Variants in STK31 observed in about 807,000 individuals in gnomAD.
STK31 encodes the protein serine/threonine-protein kinase 31.
A neutral mutation model predicts 129.7 loss-of-function variants in STK31; 89 were observed. That is an observed-to-expected ratio of 0.69 (90% confidence interval 0.58 to 0.82). The LOEUF (loss-of-function observed/expected upper bound fraction) is 0.82. Among genes scored for constraint, STK31 ranks in the 40% least tolerant of loss-of-function variants. STK31 has a pLI of 0.00. For synonymous variants in STK31, 448 were observed against 395.3 expected, an observed-to-expected ratio of 1.13 and a Z score of -1.58; for missense variants, 1,187 against 1,176.4, an observed-to-expected ratio of 1.01 and a Z score of -0.13.
intron 13 of STK31, among the ~76,000 whole-genome samples, chr7:23,770,070 C>T (rs1790088369): frequency 6.6e-6 from 1 of 152,136 alleles, no homozygotes; most frequent in African/African-American, 2.4e-5. Flanking sequence ...TTGAATGCGT[C>T]ATACCAAATG....
chr7:23,710,474 C>T (rs1785873609), intron 1 of STK31, 139 bp downstream of exon 1: 2 of 1,529,536 alleles, frequency 1.3e-6, no homozygotes, highest in Non-Finnish European at 1.8e-6. Flanking sequence ...CCCGCCACCC[C>T]AGAGGGGTGC....
intron 8 of STK31, among the ~76,000 whole-genome samples, chr7:23,746,172 G>A (rs1788340335): frequency 6.6e-6 from 1 of 152,252 alleles, no homozygotes; most frequent in Non-Finnish European, 1.5e-5. Flanking sequence ...ATTGGGGGGT[G>A]GGTGTATGGG....
At chr7:23,713,375 T>C (rs1395276715) in intron 3 of STK31, among the ~76,000 whole-genome samples, 2 of 152,200 alleles carry the variant, frequency 1.3e-5, no homozygotes, top group East Asian at 1.9e-4. Flanking sequence ...GGGTGAGTCA[T>C]TGAGTGAGTA....
At chr7:23,809,225 C>G (rs1792932053) in intron 22 of STK31, among the ~76,000 whole-genome samples, 1 of 150,870 alleles carries the variant, frequency 6.6e-6, no homozygotes, top group African/African-American at 2.5e-5. Context: ...CTTGCATGCT[C>G]TTGTACCTTG....
At chr7:23,806,204 T>C (rs1210076060) in intron 22 of STK31, among the ~76,000 whole-genome samples, 4 of 152,228 alleles carry the variant, frequency 2.6e-5, no homozygotes, top group African/African-American at 9.6e-5. Flanking sequence ...ATTCCCCTTT[T>C]AGGCATCTTT....
At chr7:23,790,049 T>C (rs1489441200) in intron 21 of STK31, among the ~76,000 whole-genome samples, 1 of 152,170 alleles carries the variant, frequency 6.6e-6, no homozygotes, top group Non-Finnish European at 1.5e-5. Context: ...TCAGCATTTC[T>C]GCAGTGGATC....
intron 22 of STK31, among the ~76,000 whole-genome samples, chr7:23,810,833 T>C (rs981851278): frequency 3.0e-4 from 43 of 141,286 alleles, no homozygotes; most frequent in Admixed American, 1.5e-4. Flanking sequence ...TGTATAAATA[T>C]ATATTTGTAT....
intron 17 of STK31, among the ~76,000 whole-genome samples, chr7:23,784,584 G>C (rs1232698623): frequency 6.6e-6 from 1 of 152,000 alleles, no homozygotes; most frequent in Non-Finnish European, 1.5e-5. Context: ...ATGGTTTATT[G>C]AAGTCTTTAA....
At chr7:23,769,513 T>C in intron 12 of STK31, 127 bp from the exon 13 acceptor site, 1 of 641,114 alleles carries the variant, frequency 1.6e-6, no homozygotes, top group Non-Finnish European at 2.6e-6. Flanking sequence ...GGCACTTTTT[T>C]TTCCTGCATT....
At chr7:23,831,578 T>C (rs1794549306) in intron 23 of STK31, among the ~76,000 whole-genome samples, 1 of 152,254 alleles carries the variant, frequency 6.6e-6, no homozygotes, top group African/African-American at 2.4e-5. Flanking sequence ...AAGGCTGTCA[T>C]TGATACATGC....
upstream of STK31, chr7:23,710,174 G>A (rs1785834619): frequency 2.5e-6 from 4 of 1,579,692 alleles, no homozygotes; most frequent in East Asian, 4.5e-5. Context: ...GCTAACACCG[G>A]ATGATGGCGC....
chr7:23,772,219 T>A lies in STK31; in HGVS notation c.1906T>A (p.Leu636Met). 1 of 1,608,640 alleles carries A rather than the reference T, an allele frequency of 6.2e-7. No individual in the cohort carries two copies. Among genetic ancestry groups the A allele is most frequent in the Non-Finnish European group, 8.5e-7 (1 of 1,177,764 alleles). Reference protein sequence around the residue: ...VDHLLSIKKTLKSLKALLRWK... With the variant: ...VDHLLSIKKTMKSLKALLRWK... ...TCACTTGCTATCCATTAAGAAGACA[T>A]TGAAAAGCTTAAAAGCTCTACTCAG... Residue 636 changes from leucine to methionine, a missense_variant, in exon 15 of 24, where the codon TTG becomes ATG. Leu to Met is a conservative substitution (Grantham distance 15). Transcript: ENST00000355870.
At chr7:23,808,167 A>T (rs73689527) in intron 22 of STK31, among the ~76,000 whole-genome samples, 1,646 of 121,044 alleles carry the variant, frequency 0.014, 22 homozygotes, top group Middle Eastern at 0.031. Context: ...ATATATATAT[A>T]TATTTTTTGT....
At chr7:23,719,961 T>C (rs1280102709) in intron 4 of STK31, among the ~76,000 whole-genome samples, 2 of 152,158 alleles carry the variant, frequency 1.3e-5, no homozygotes, top group Non-Finnish European at 2.9e-5. Flanking sequence ...TTAAGAAATA[T>C]ATAATCCATG....
At position 23,782,469 on chromosome 7, in the gene STK31, C is replaced by T. The variant is rs565626434; in HGVS notation, c.2067+949C>T. Among the ~76,000 whole-genome samples the T allele has an allele frequency of 1.8e-4, 12 of 67,248 alleles. No homozygotes were observed. In the East Asian group the frequency reaches 2.4e-3, roughly 14 times the overall value. The allele number at this position is 67,248 out of a possible 152,430, so 44.1% of individuals were successfully genotyped here. A position where few individuals can be genotyped will look rare whatever the true frequency, so the allele number is the denominator to read the frequency against. On this transcript the variant is annotated intron_variant, in intron 16 of 23. Coordinates refer to ENST00000355870, the MANE Select transcript of STK31 (RefSeq NM_031414.5). ...CCTGGGCAACAGAGCAAGACCCTGTCTCAAAAAAAAAAAAAAAAAAAAAGA... is the reference window on the plus strand; with the variant it reads ...CCTGGGCAACAGAGCAAGACCCTGTTTCAAAAAAAAAAAAAAAAAAAAAGA...
intron 15 of STK31, among the ~76,000 whole-genome samples, chr7:23,775,371 C>T (rs182537138): frequency 5.3e-4 from 80 of 152,242 alleles, no homozygotes; most frequent in Non-Finnish European, 1.1e-3. Flanking sequence ...TGCAGAAATT[C>T]AGTGGTGGCT....
chr7:23,816,694 C>T (rs189387069), intron 23 of STK31, among the ~76,000 whole-genome samples: 15 of 152,320 alleles, frequency 9.8e-5, no homozygotes, highest in East Asian at 9.6e-4. Flanking sequence ...GAAATGTATA[C>T]GCAGAGAAGG....
At chr7:23,821,980 A>G (rs757226367) in intron 23 of STK31, among the ~76,000 whole-genome samples, 5 of 152,012 alleles carry the variant, frequency 3.3e-5, no homozygotes, top group Non-Finnish European at 2.9e-5. Context: ...TGGGGTTTCA[A>G]TTCTATTCTA....
chr7:23,826,557 G>T (rs1220474339), intron 23 of STK31, among the ~76,000 whole-genome samples: 3 of 152,120 alleles, frequency 2.0e-5, no homozygotes, highest in African/African-American at 7.2e-5. Context: ...TATCCAGTTT[G>T]CCAGTCTGTG....
Sources: gnomAD v4.1 joint callset for allele counts (sites outside exome capture counted in the v4.1 genomes callset) on GRCh38, gnomAD v4.1.1 for gene constraint, MANE v1.5 for transcripts, NCBI Gene and HGNC (gene_info 2026-07-23, HGNC 2026-07-21) for gene names.